Variants in LRIF1 observed in about 807,000 individuals in gnomAD.
LRIF1 encodes ligand dependent nuclear receptor interacting factor 1, also known as ligand-dependent nuclear receptor-interacting factor 1.
Under a neutral mutation model 52.7 loss-of-function variants are expected in LRIF1, and 32 were observed. The ratio of observed to expected loss-of-function variants is 0.61; its 90% CI spans 0.46 to 0.82. LRIF1 has a LOEUF of 0.82. Ranked by LOEUF, LRIF1 falls within the 40% of genes least tolerant of loss-of-function variation. The probability of loss-of-function intolerance (pLI) is 0.00; values close to 1 mark genes in which losing one functional copy is unlikely to be tolerated. For missense variants in LRIF1, 887 were observed against 892.0 expected (o/e 0.99, Z 0.07); for synonymous variants, 323 against 317.4 (o/e 1.02, Z -0.19).
intron 1 of LRIF1, among the ~76,000 whole-genome samples, chr1:110,956,784 G>A (rs962767697): frequency 1.2e-4 from 18 of 152,212 alleles, no homozygotes; most frequent in Non-Finnish European, 2.2e-4. Flanking sequence ...TAAGCGCCAA[G>A]TTCAGTGACA....
chr1:110,893,902 T>C, the LRIF1 span, among the ~76,000 whole-genome samples: 5 of 152,322 alleles, frequency 3.3e-5, no homozygotes, highest in African/African-American at 1.2e-4. Context: ...CTTTCTACCA[T>C]TGTACAGGGC....
At chr1:110,936,291 A>C in the LRIF1 span, 7 of 152,196 alleles carry the variant, frequency 4.6e-5, no homozygotes, top group Non-Finnish European at 1.0e-4. Flanking sequence ...CACAGAAAAA[A>C]CACAGAATAT....
At chr1:110,900,750 C>CAAAAAAA in the LRIF1 span, among the ~76,000 whole-genome samples, 2 of 112,540 alleles carry the variant, frequency 1.8e-5, no homozygotes, top group African/African-American at 3.6e-5. Context: ...AGCTCACACT[C>CAAAAAAA]AAAAAAAAAA....
the LRIF1 span, among the ~76,000 whole-genome samples, chr1:110,905,908 G>C: frequency 2.0e-5 from 3 of 152,190 alleles, no homozygotes; most frequent in South Asian, 6.2e-4. Flanking sequence ...TTAAGGCATA[G>C]AGGTTTTATT....
chr1:110,955,754 G>A (rs1312481710), intron 1 of LRIF1, among the ~76,000 whole-genome samples: 1 of 152,178 alleles, frequency 6.6e-6, no homozygotes, highest in African/African-American at 2.4e-5. Context: ...CGACTGGCAG[G>A]AAGCTACAGG....
chr1:110,897,381 G>A, the LRIF1 span, among the ~76,000 whole-genome samples: 1 of 152,226 alleles, frequency 6.6e-6, no homozygotes, highest in Non-Finnish European at 1.5e-5. Flanking sequence ...GACAACCACT[G>A]ACCAGCAACT....
At chr1:110,913,470 C>A in the LRIF1 span, among the ~76,000 whole-genome samples, 1 of 152,056 alleles carries the variant, frequency 6.6e-6, no homozygotes, top group Non-Finnish European at 1.5e-5. Flanking sequence ...GAAAACAACC[C>A]CATTAAAAAT....
chr1:110,942,368 G>A (rs1423692925), downstream of LRIF1: 1 of 151,946 alleles, frequency 6.6e-6, no homozygotes, highest in Admixed American at 6.6e-5. Context: ...ATGTTTTAAG[G>A]TCATTTTTAT....
chr1:110,896,040 G>A, the LRIF1 span, among the ~76,000 whole-genome samples: 4 of 152,134 alleles, frequency 2.6e-5, no homozygotes, highest in Non-Finnish European at 4.4e-5. Context: ...AGGCCTATGT[G>A]TTTATATTTG....
chr1:110,876,305 C>G, the LRIF1 span, among the ~76,000 whole-genome samples: 1 of 152,082 alleles, frequency 6.6e-6, no homozygotes, highest in Non-Finnish European at 1.5e-5. Context: ...ACTATAGTCC[C>G]TTTTCTAAGA....
At chr1:110,900,762 A>C in the LRIF1 span, among the ~76,000 whole-genome samples, 1 of 151,826 alleles carries the variant, frequency 6.6e-6, no homozygotes, top group African/African-American at 2.4e-5. Flanking sequence ...AAAAAAAAAA[A>C]AAACAAAAAA....
At chr1:110,951,143 T>G in intron 2 of LRIF1, 145 bp downstream of exon 2, 1 of 648,616 alleles carries the variant, frequency 1.5e-6, no homozygotes, top group Non-Finnish European at 2.5e-6. Context: ...ATGGAAGTTT[T>G]GACTTAAATA....
chr1:110,909,349 A>G, the LRIF1 span, among the ~76,000 whole-genome samples: 2 of 152,140 alleles, frequency 1.3e-5, no homozygotes, highest in Non-Finnish European at 2.9e-5. Flanking sequence ...CCAACAACAT[A>G]ATGGCAGAAT....
chr1:110,945,460 C>T (rs1658183319), downstream of LRIF1, among the ~76,000 whole-genome samples: 1 of 139,040 alleles, frequency 7.2e-6, no homozygotes, highest in Non-Finnish European at 1.6e-5. Context: ...GAGTCTCATT[C>T]TGTTGCCCAG....
Position 110,951,921 on chromosome 1 carries a change from A to T in LRIF1, c.963T>A (p.Phe321Leu). 2 of 1,614,020 alleles carry T rather than the reference A, an allele frequency of 1.2e-6. No individual in the cohort carries two copies. Among genetic ancestry groups the T allele is most frequent in the South Asian group, 1.1e-5 (1 of 91,062 alleles). The change falls in exon 2 of 4, where the codon TTT becomes TTA. Residue 321 changes from phenylalanine to leucine, a missense_variant. Phe to Leu is a conservative substitution (Grantham distance 22). Coordinates refer to ENST00000369763, the MANE Select transcript of LRIF1 (RefSeq NM_018372.4). ...TATCTCCCAAATTTTTCCTATCTAC[A>T]AAAGTTTTTAAAATCTTTGAAGCCA... Reference protein sequence around the residue: ...NNVASKILKTFVDRKNLGDNT... With the variant: ...NNVASKILKTLVDRKNLGDNT...
At chr1:110,907,609 C>T in the LRIF1 span, among the ~76,000 whole-genome samples, 1 of 152,136 alleles carries the variant, frequency 6.6e-6, no homozygotes, top group Non-Finnish European at 1.5e-5. Context: ...GTGGTACACA[C>T]CTGTAATTCC....
At chr1:110,930,110 T>C in the LRIF1 span, among the ~76,000 whole-genome samples, 1 of 152,102 alleles carries the variant, frequency 6.6e-6, no homozygotes. Context: ...TATGTGTTCT[T>C]TTTCTGTCTG....
the LRIF1 span, among the ~76,000 whole-genome samples, chr1:110,889,287 T>C: frequency 6.6e-6 from 1 of 152,112 alleles, no homozygotes; most frequent in Non-Finnish European, 1.5e-5. Flanking sequence ...CCGGGTGTGG[T>C]GGCTCAAGCC....
the LRIF1 span, among the ~76,000 whole-genome samples, chr1:110,892,109 A>G: frequency 6.6e-6 from 1 of 152,206 alleles, no homozygotes; most frequent in African/African-American, 2.4e-5. Context: ...CACAGAAGTG[A>G]TCTTTCCTTG....
Sources: gnomAD v4.1 joint callset for allele counts (sites outside exome capture counted in the v4.1 genomes callset) on GRCh38, gnomAD v4.1.1 for gene constraint, MANE v1.5 for transcripts, NCBI Gene and HGNC (gene_info 2026-07-23, HGNC 2026-07-21) for gene names.